The following ENAH variants were observed in gnomAD, a reference collection of about 807,000 sequenced individuals.
ENAH encodes protein enabled homolog.
Under a neutral mutation model 78.7 loss-of-function variants are expected in ENAH, and 23 were observed. That is an observed-to-expected ratio of 0.29 (90% CI 0.21 to 0.41). The LOEUF is 0.41. Ranked by LOEUF, ENAH falls within the 10% of genes least tolerant of loss-of-function variation. The pLI, the probability that ENAH is intolerant of heterozygous loss-of-function variation, is 1.00. For missense variants in ENAH, 544 were observed against 691.0 expected (o/e 0.79, Z 2.39); for synonymous variants, 226 against 241.0 (o/e 0.94, Z 0.58).
intron 1 of ENAH, among the ~76,000 whole-genome samples, chr1:225,573,638 G>A (rs2096774151): frequency 6.6e-6 from 1 of 152,186 alleles, no homozygotes; most frequent in African/African-American, 2.4e-5. Context: ...GAGAAAAAAA[G>A]GAGGGAGAGG....
At chr1:225,578,153 G>C (rs2096797127) in intron 1 of ENAH, among the ~76,000 whole-genome samples, 2 of 152,038 alleles carry the variant, frequency 1.3e-5, no homozygotes, top group Non-Finnish European at 2.9e-5. Context: ...AAGCTCTGGA[G>C]ACCGAAAAAA....
chr1:225,572,985 T>C (rs1299190869), intron 1 of ENAH, among the ~76,000 whole-genome samples: 1 of 152,198 alleles, frequency 6.6e-6, no homozygotes, highest in Non-Finnish European at 1.5e-5. Context: ...TACAATTTTG[T>C]AGTTTTGTCA....
At chr1:225,651,314 A>G (rs1662956367) in intron 1 of ENAH, among the ~76,000 whole-genome samples, 1 of 152,168 alleles carries the variant, frequency 6.6e-6, no homozygotes, top group African/African-American at 2.4e-5. Flanking sequence ...TCAAATTCAC[A>G]GTAAGCCTAA....
chr1:225,638,395 C>T (rs749355875), intron 1 of ENAH, among the ~76,000 whole-genome samples: 7 of 152,118 alleles, frequency 4.6e-5, no homozygotes, highest in Non-Finnish European at 8.8e-5. Context: ...TTGGGCTCAA[C>T]TGATCCACCC....
At chr1:225,561,344 C>A (rs904532059) in intron 2 of ENAH, among the ~76,000 whole-genome samples, 2 of 150,214 alleles carry the variant, frequency 1.3e-5, no homozygotes, top group African/African-American at 4.9e-5. Flanking sequence ...TATTTTCAGG[C>A]TGGGTGCAGT....
chr1:225,585,265 A>G (rs1369813645), intron 1 of ENAH, among the ~76,000 whole-genome samples: 1 of 146,784 alleles, frequency 6.8e-6, no homozygotes, highest in East Asian at 2.0e-4. Flanking sequence ...AGAGAAAAAG[A>G]CATTTTCACA....
intron 1 of ENAH, among the ~76,000 whole-genome samples, chr1:225,604,970 A>C (rs2096949856): frequency 6.6e-6 from 1 of 152,208 alleles, no homozygotes; most frequent in Non-Finnish European, 1.5e-5. Flanking sequence ...GGGCATCCTC[A>C]TACCTTGCTG....
intron 1 of ENAH, among the ~76,000 whole-genome samples, chr1:225,582,348 A>G (rs2096823192): frequency 6.6e-6 from 1 of 152,212 alleles, no homozygotes; most frequent in Admixed American, 6.5e-5. Context: ...GTATTTATTT[A>G]TAGCAGTGAA....
intron 3 of ENAH, among the ~76,000 whole-genome samples, chr1:225,547,459 T>C (rs753359057): frequency 6.6e-6 from 1 of 152,166 alleles, no homozygotes; most frequent in Non-Finnish European, 1.5e-5. Context: ...CAGAACCACA[T>C]TGGTTTCCTG....
At position 225,494,705 on chromosome 1, in the gene ENAH, T is replaced by A. The variant is rs1338519695; in HGVS notation, c.*3070A>T. The A allele has an allele frequency of 6.6e-6, 1 of 152,228 alleles. No individual in the cohort carries two copies. 9.4% of individuals were successfully genotyped at this position (152,228 alleles called of 1,614,324 possible). ...AAGAATAGTGACGTGACATGTAAAC[T>A]TTTAAGTAGTAAAGTCTTGGACTTT... On this transcript the variant is annotated 3_prime_UTR_variant, in exon 14 of 14. Transcript: ENST00000366843.
At chr1:225,529,085 C>T (rs935647028) in intron 4 of ENAH, among the ~76,000 whole-genome samples, 5 of 152,208 alleles carry the variant, frequency 3.3e-5, no homozygotes, top group African/African-American at 9.6e-5. Context: ...TGCCTCAAGT[C>T]GTCTCTCAAT....
At chr1:225,500,922 G>A in intron 12 of ENAH, 70 bp downstream of exon 12, 1 of 1,349,218 alleles carries the variant, frequency 7.4e-7, no homozygotes, top group Non-Finnish European at 1.1e-6. Context: ...CCATGTCAAA[G>A]ATATGCATAT....
At chr1:225,512,601 G>C in intron 9 of ENAH, 56 bp downstream of exon 9, 3 of 1,509,900 alleles carry the variant, frequency 2.0e-6, no homozygotes, top group Non-Finnish European at 2.7e-6. Context: ...TTTCCTGAAT[G>C]AGCTGTGCCT....
chr1:225,496,671 A>C lies in ENAH; in HGVS notation c.*1104T>G, dbSNP rs2096251184. Reference sequence around the variant, plus strand: ...CAAATAGCTGAAGACATGATGTAAAAGATTAAGTACTTGGTTTTGTAACAT... The same window carrying C: ...CAAATAGCTGAAGACATGATGTAAACGATTAAGTACTTGGTTTTGTAACAT... On this transcript the variant is annotated 3_prime_UTR_variant, in exon 14 of 14. Transcript: ENST00000366843. The C allele has an allele frequency of 1.3e-5, 2 of 152,696 alleles. No homozygotes were observed. The highest frequency in any genetic ancestry group is 6.5e-5 in the Admixed American group (1 of 15,286). The allele number at this position is 152,696 out of a possible 1,614,324, so 9.5% of individuals were successfully genotyped here.
intron 1 of ENAH, among the ~76,000 whole-genome samples, chr1:225,599,635 G>A (rs945297655): frequency 1.3e-5 from 2 of 151,478 alleles, no homozygotes; most frequent in Admixed American, 6.6e-5. Context: ...GTGAAACCCC[G>A]TCTCTACTAA....
At chr1:225,534,818 T>C (rs1558771642) in intron 3 of ENAH, among the ~76,000 whole-genome samples, 1 of 152,312 alleles carries the variant, frequency 6.6e-6, no homozygotes, top group South Asian at 2.1e-4. Flanking sequence ...TCTGTGTTTA[T>C]AGATAGATAC....
chr1:225,617,459 G>A (rs755415996), intron 1 of ENAH, among the ~76,000 whole-genome samples: 18 of 152,172 alleles, frequency 1.2e-4, no homozygotes, highest in Non-Finnish European at 2.2e-4. Flanking sequence ...CACATTATCT[G>A]ATACATAAAG....
chr1:225,523,325 G>A (rs1167024487), intron 4 of ENAH, among the ~76,000 whole-genome samples: 1 of 151,252 alleles, frequency 6.6e-6, no homozygotes, highest in Non-Finnish European at 1.5e-5. Context: ...AGAAGGCCAG[G>A]CATGGGTGAG....
At chr1:225,621,195 C>G (rs1168502820) in intron 1 of ENAH, among the ~76,000 whole-genome samples, 1 of 152,170 alleles carries the variant, frequency 6.6e-6, no homozygotes, top group Non-Finnish European at 1.5e-5. Flanking sequence ...TTACCAAATT[C>G]CAGAACCTTG....
Sources: gnomAD v4.1 joint callset for allele counts (sites outside exome capture counted in the v4.1 genomes callset) on GRCh38, gnomAD v4.1.1 for gene constraint, MANE v1.5 for transcripts, NCBI Gene and HGNC (gene_info 2026-07-23, HGNC 2026-07-21) for gene names.